Variants in CCIN observed in about 807,000 individuals in gnomAD.
The protein encoded by CCIN is testis tissue sperm-binding protein Li 65n.
In CCIN, 15 loss-of-function variants were observed where a neutral mutation model predicts 32.2. That is an observed-to-expected ratio of 0.47 (90% CI 0.31 to 0.72). CCIN has a LOEUF of 0.72. Among genes scored for constraint, CCIN ranks in the 30% least tolerant of loss-of-function variants. The pLI is 0.05. For missense variants in CCIN, 623 were observed against 759.4 expected, an observed-to-expected ratio of 0.82 and a Z score of 2.11; for synonymous variants, 302 against 297.4, an observed-to-expected ratio of 1.02 and a Z score of -0.16.
In CCIN at chr9:36,170,952, C is replaced by T. The variant is rs1284139435; in HGVS notation, c.1450C>T (p.His484Tyr). ...GGACAACATCCTCTGCGTGCACAGC[C>T]ACCGGCAGAGTGTGGAAATCAATCT... ...QQDNILCVHSHRQSVEINLQK... is the reference protein window; with the variant it reads ...QQDNILCVHSYRQSVEINLQK... The change falls in exon 1 of 1, where the codon CAC (histidine) becomes TAC (tyrosine). Residue 484 changes from histidine to tyrosine, a missense_variant. Physicochemically the swap from His to Tyr is moderately conservative, Grantham distance 83. Transcript: ENST00000335119. The T allele has an allele frequency of 1.9e-6, 3 of 1,614,110 alleles. No homozygotes were observed. Among genetic ancestry groups the T allele is most frequent in the Non-Finnish European group, 2.5e-6 (3 of 1,180,046 alleles).
chr9:36,170,101 C>T lies in CCIN; in HGVS notation c.599C>T (p.Ala200Val). 1 of 1,614,202 alleles carries T rather than the reference C, an allele frequency of 6.2e-7. No individual in the cohort carries two copies. The highest frequency in any genetic ancestry group is 8.5e-7 in the Non-Finnish European group (1 of 1,180,040). The change falls in exon 1 of 1, where the codon GCA (alanine) becomes GTA (valine). Residue 200 changes from alanine (A) to valine (V), a missense_variant. By Grantham distance (64) the Ala-to-Val change is moderately conservative. Coordinates refer to ENST00000335119, the MANE Select transcript of CCIN (RefSeq NM_005893.3). Reference sequence around the variant, plus strand: ...CTCAATGAAGACCAGGCGCTCAGCGCACTCATCAATTGGGTGTACTTCCGG... The same window carrying T: ...CTCAATGAAGACCAGGCGCTCAGCGTACTCATCAATTGGGTGTACTTCCGG... The part of the protein sequence containing the change: ...HVLNEDQALS[A>V]LINWVYFRKE...
chr9:36,171,277 A>C lies in CCIN; in HGVS notation c.*8A>C. On this transcript the variant is annotated 3_prime_UTR_variant, in exon 1 of 1. Transcript: ENST00000335119. ...ATTCTTCAAAGGATTTAAACATTTT[A>C]AGTGGGAGAATAAGTAAATGCATTA... The C allele has an allele frequency of 6.2e-7, 1 of 1,608,896 alleles. No homozygotes were observed. The highest frequency in any genetic ancestry group is 8.5e-7 in the Non-Finnish European group (1 of 1,178,810).
In CCIN at chr9:36,169,397, C is replaced by T; in HGVS notation, c.-106C>T. 9.1e-7 allele frequency: 1 copy of T among 1,095,610 alleles called. No homozygotes were observed. Among genetic ancestry groups the T allele is most frequent in the East Asian group, 2.5e-5 (1 of 39,752 alleles). 67.9% of individuals were successfully genotyped at this position (1,095,610 alleles called of 1,614,324 possible). A position where few individuals can be genotyped will look rare whatever the true frequency, so the allele number is the denominator to read the frequency against. On this transcript the variant is annotated 5_prime_UTR_variant, in exon 1 of 1. Transcript: ENST00000335119. ...CATCCTCTCTTCCACCCTCTCTTCTCCCTGGTCAACCGCTCTGCAAACAAC... is the reference window on the plus strand; with the variant it reads ...CATCCTCTCTTCCACCCTCTCTTCTTCCTGGTCAACCGCTCTGCAAACAAC...
rs1014414556 is a variant in CCIN at position 36,169,428 on chromosome 9, A to G, written c.-75A>G. On this transcript the variant is annotated 5_prime_UTR_variant, in exon 1 of 1. Coordinates refer to ENST00000335119, the MANE Select transcript of CCIN (RefSeq NM_005893.3). ...TCAACCGCTCTGCAAACAACCATCA[A>G]TCTGATCCCACAGGCCTGAGAAAGT... is the stretch of plus-strand genomic sequence containing the variant. The G allele has an allele frequency of 1.2e-5, 18 of 1,441,304 alleles. No individual in the cohort carries two copies. The highest frequency in any genetic ancestry group is 5.9e-5 in the South Asian group (5 of 84,304). The allele number at this position is 1,441,304 out of a possible 1,614,324, so 89.3% of individuals were successfully genotyped here. A position where few individuals can be genotyped will look rare whatever the true frequency, so the allele number is the denominator to read the frequency against.
In CCIN at chr9:36,169,708, T is replaced by A; in HGVS notation, c.206T>A (p.Phe69Tyr). Residue 69 changes from phenylalanine (F) to tyrosine (Y), a missense_variant, in exon 1 of 1, where the codon TTC (phenylalanine) becomes TAC (tyrosine). By Grantham distance (22) the Phe-to-Tyr change is conservative (BLOSUM62 3). Coordinates refer to ENST00000335119, the MANE Select transcript of CCIN (RefSeq NM_005893.3). ...GACATGAAGACCGCTGATGAGCTTT[T>A]CATCACCATTGACACCAGTTACCTG... is the stretch of plus-strand genomic sequence containing the variant. Reference protein sequence around the residue: ...SNDMKTADELFITIDTSYLSP... With the variant: ...SNDMKTADELYITIDTSYLSP... The A allele has an allele frequency of 6.2e-7, 1 of 1,614,194 alleles. No homozygotes were observed. The highest frequency in any genetic ancestry group is 8.5e-7 in the Non-Finnish European group (1 of 1,180,030).
At position 36,170,724 on chromosome 9, in the gene CCIN, A is replaced by C. The variant is rs1217613824; in HGVS notation, c.1222A>C (p.Lys408Gln). ...GAAGGAAGTCTGGTGCCTGGCAGGA[A>C]AGATGAGCATCCCCATGGATGGCAC... ...ERKEVWCLAGKMSIPMDGTAV... is the reference protein window; with the variant it reads ...ERKEVWCLAGQMSIPMDGTAV... The change falls in exon 1 of 1, where the codon AAG becomes CAG. Residue 408 changes from lysine (K) to glutamine (Q), a missense_variant. Transcript: ENST00000335119. 3.7e-6 allele frequency: 6 copies of C among 1,614,166 alleles called. No individual in the cohort carries two copies. The highest frequency in any genetic ancestry group is 5.1e-6 in the Non-Finnish European group (6 of 1,180,058).
In CCIN at chr9:36,170,033, T is replaced by C; in HGVS notation, c.531T>C (p.Pro177=). Residue 177 remains proline, a synonymous_variant, in exon 1 of 1, where the codon CCT becomes CCC. Coordinates refer to ENST00000335119, the MANE Select transcript of CCIN (RefSeq NM_005893.3). Reference sequence around the variant, plus strand: ...CCATGCACTTCATGCGCTGTCCACCTGTTATCTTTGGCCGCCTGCTCCGTG... The same window carrying C: ...CCATGCACTTCATGCGCTGTCCACCCGTTATCTTTGGCCGCCTGCTCCGTG... The part of the protein sequence containing the change: ...EGSMHFMRCP[P]VIFGRLLRDE... 6.2e-7 allele frequency: 1 copy of C among 1,614,148 alleles called. No individual in the cohort carries two copies. Among genetic ancestry groups the C allele is most frequent in the Non-Finnish European group, 8.5e-7 (1 of 1,180,036 alleles).
Position 36,170,956 on chromosome 9 carries a change from G to A in CCIN, c.1454G>A (p.Arg485Gln), listed in dbSNP as rs780527491. 1.4e-5 allele frequency: 22 copies of A among 1,614,152 alleles called. No homozygotes were observed. The highest frequency in any genetic ancestry group is 1.9e-5 in the Non-Finnish European group (22 of 1,180,034). Residue 485 changes from arginine to glutamine, a missense_variant, in exon 1 of 1, where the codon CGG becomes CAG. Arg to Gln is a conservative substitution (Grantham distance 43, BLOSUM62 1). Coordinates refer to ENST00000335119, the MANE Select transcript of CCIN (RefSeq NM_005893.3). ...QDNILCVHSHRQSVEINLQKV... is the reference protein window; with the variant it reads ...QDNILCVHSHQQSVEINLQKV... ...AACATCCTCTGCGTGCACAGCCACCGGCAGAGTGTGGAAATCAATCTGCAG... is the reference window on the plus strand; with the variant it reads ...AACATCCTCTGCGTGCACAGCCACCAGCAGAGTGTGGAAATCAATCTGCAG...
rs1357692663 is a variant in CCIN at position 36,170,868 on chromosome 9, G to A, written c.1366G>A (p.Val456Ile). 6.2e-7 allele frequency: 1 copy of A among 1,614,114 alleles called. No homozygotes were observed. The highest frequency in any genetic ancestry group is 2.2e-5 in the East Asian group (1 of 44,902). ...CTTTGACACCAGCACTGGGGACGTGGTCCAGTGTATCACCTTCCCCATTGA... is the reference window on the plus strand; with the variant it reads ...CTTTGACACCAGCACTGGGGACGTGATCCAGTGTATCACCTTCCCCATTGA... ...DCFDTSTGDV[V>I]QCITFPIEFN... Residue 456 changes from valine to isoleucine, a missense_variant, in exon 1 of 1, where the codon GTC (valine) becomes ATC (isoleucine). Val to Ile is a conservative substitution (Grantham distance 29). Coordinates refer to ENST00000335119, the MANE Select transcript of CCIN (RefSeq NM_005893.3).
In CCIN at chr9:36,169,906, G is replaced by T; in HGVS notation, c.404G>T (p.Arg135Leu). The T allele has an allele frequency of 6.2e-7, 1 of 1,614,066 alleles. No homozygotes were observed. The highest frequency in any genetic ancestry group is 8.5e-7 in the Non-Finnish European group (1 of 1,180,028). ...IKSICRANCLRYLFLAELFEL... is the reference protein window; with the variant it reads ...IKSICRANCLLYLFLAELFEL... ...TCCATCTGCCGTGCCAACTGCTTGC[G>T]CTACCTCTTCTTGGCTGAGCTGTTT... The change falls in exon 1 of 1, where the codon CGC (arginine) becomes CTC (leucine). Residue 135 changes from arginine to leucine, a missense_variant. By Grantham distance (102) the Arg-to-Leu change is moderately radical (BLOSUM62 -2). Coordinates refer to ENST00000335119, the MANE Select transcript of CCIN (RefSeq NM_005893.3).
chr9:36,170,162 C>T lies in CCIN; in HGVS notation c.660C>T (p.Phe220=). 1 of 1,614,242 alleles carries T rather than the reference C, an allele frequency of 6.2e-7. No individual in the cohort carries two copies. The highest frequency in any genetic ancestry group is 1.1e-5 in the South Asian group (1 of 91,082). ...GGGAGAAGTATTTCAAGAAGTTCTT[C>T]AATTACATCAATCTCAATGCTGTCT... The part of the protein sequence containing the change: ...EDREKYFKKF[F]NYINLNAVSN... The change falls in exon 1 of 1, where the codon TTC becomes TTT. Residue 220 remains phenylalanine (F), a synonymous_variant. Transcript: ENST00000335119.
At position 36,169,408 on chromosome 9, in the gene CCIN, C is replaced by T. The variant is rs183772458; in HGVS notation, c.-95C>T. The stretch of plus-strand genomic sequence containing the variant: ...CCACCCTCTCTTCTCCCTGGTCAAC[C>T]GCTCTGCAAACAACCATCAATCTGA... On this transcript the variant is annotated 5_prime_UTR_variant, in exon 1 of 1. Transcript: ENST00000335119. 64 of 1,230,360 alleles carry T rather than the reference C, an allele frequency of 5.2e-5. No individual in the cohort carries two copies. Among genetic ancestry groups the T allele is most frequent in the Non-Finnish European group, 6.8e-5 (58 of 854,116 alleles). The allele number at this position is 1,230,360 out of a possible 1,614,324, so 76.2% of individuals were successfully genotyped here. A position where few individuals can be genotyped will look rare whatever the true frequency, so the allele number is the denominator to read the frequency against.
Position 36,171,003 on chromosome 9 carries a change from A to G in CCIN, c.1501A>G (p.Thr501Ala). Residue 501 changes from threonine (T) to alanine (A), a missense_variant, in exon 1 of 1, where the codon ACC becomes GCC. By Grantham distance (58) the Thr-to-Ala change is moderately conservative. Transcript: ENST00000335119. ...GCAGAAGGTGAAGGCAAGCAAGACG[A>G]CCACCTCAGTGCCTGTCTTGCCCAA... The part of the protein sequence containing the change: ...NLQKVKASKT[T>A]TSVPVLPNSC... 1 of 1,614,220 alleles carries G rather than the reference A, an allele frequency of 6.2e-7. No individual in the cohort carries two copies.
At position 36,169,545 on chromosome 9, in the gene CCIN, C is replaced by G; in HGVS notation, c.43C>G (p.Leu15Val). Residue 15 changes from leucine (L) to valine (V), a missense_variant, in exon 1 of 1, where the codon CTG (leucine) becomes GTG (valine). Physicochemically the swap from Leu to Val is conservative, Grantham distance 32 (BLOSUM62 1). Transcript: ENST00000335119. ...GGAGAAAAACTACAATAGCTTCGTG[C>G]TGCAGAACCTGAACAGACAGAGGAA... is the stretch of plus-strand genomic sequence containing the variant. ...FTEKNYNSFV[L>V]QNLNRQRKRK... is the part of the protein sequence containing the mutation. The G allele has an allele frequency of 1.2e-6, 2 of 1,614,218 alleles. No homozygotes were observed. Among genetic ancestry groups the G allele is most frequent in the Non-Finnish European group, 1.7e-6 (2 of 1,180,042 alleles).
Position 36,169,944 on chromosome 9 carries a change from G to C in CCIN, c.442G>C (p.Val148Leu), listed in dbSNP as rs369069472. ...GGCTGAGCTGTTTGAGCTCAAAGAGGTATCAGACGTAGCTTACTCTGGCAT... is the reference window on the plus strand; with the variant it reads ...GGCTGAGCTGTTTGAGCTCAAAGAGCTATCAGACGTAGCTTACTCTGGCAT... ...FLAELFELKE[V>L]SDVAYSGIRD... The change falls in exon 1 of 1, where the codon GTA becomes CTA. Residue 148 changes from valine to leucine, a missense_variant. Val to Leu is a conservative substitution (Grantham distance 32). Coordinates refer to ENST00000335119, the MANE Select transcript of CCIN (RefSeq NM_005893.3). The C allele has an allele frequency of 9.3e-6, 15 of 1,613,920 alleles. No homozygotes were observed. Among genetic ancestry groups the C allele is most frequent in the Non-Finnish European group, 1.3e-5 (15 of 1,180,034 alleles).
In CCIN at chr9:36,171,085, TTGTATGTGGG is replaced by T; in HGVS notation, c.1584_1593del (p.Phe528LeufsTer47). On this transcript the variant is annotated frameshift_variant, in exon 1 of 1. Coordinates refer to ENST00000335119, the MANE Select transcript of CCIN (RefSeq NM_005893.3). LOFTEE classifies it high-confidence loss of function. ...TGCTCCATTGGAGACAGCAAGGTGT[TTGTATGTGGG>T]GGTGTCACCACTGCCAGCGATGTCC... 6.2e-7 allele frequency: 1 copy of T among 1,614,118 alleles called. No homozygotes were observed. Among genetic ancestry groups the T allele is most frequent in the South Asian group, 1.1e-5 (1 of 91,084 alleles).
At position 36,170,099 on chromosome 9, in the gene CCIN, C is replaced by T. The variant is rs147427586; in HGVS notation, c.597C>T (p.Ser199=). ...LHVLNEDQAL[S]ALINWVYFRK... The stretch of plus-strand genomic sequence containing the variant: ...TGCTCAATGAAGACCAGGCGCTCAG[C>T]GCACTCATCAATTGGGTGTACTTCC... Residue 199 remains serine (S), a synonymous_variant, in exon 1 of 1, where the codon AGC becomes AGT. Transcript: ENST00000335119. 7.6e-5 allele frequency: 123 copies of T among 1,614,208 alleles called. 1 individual carries two copies. The African/African-American group carries it at 1.2e-3, about 16-fold the overall frequency.
chr9:36,169,679 C>T lies in CCIN; in HGVS notation c.177C>T (p.Ser59=), dbSNP rs1296444236. 3 of 1,614,170 alleles carry T rather than the reference C, an allele frequency of 1.9e-6. No homozygotes were observed. The Admixed American group carries it at 5.0e-5, about 27-fold the overall frequency. The change falls in exon 1 of 1, where the codon AGC becomes AGT. Residue 59 remains serine (S), a synonymous_variant. Transcript: ENST00000335119. Reference sequence around the variant, plus strand: ...CACTGGTGAGGAGCCTCATCTCCAGCAATGACATGAAGACCGCTGATGAGC... The same window carrying T: ...CACTGGTGAGGAGCCTCATCTCCAGTAATGACATGAAGACCGCTGATGAGC... ...VSPLVRSLIS[S]NDMKTADELF...
rs919817839 is a variant in CCIN at position 36,170,877 on chromosome 9, A to T, written c.1375A>T (p.Ile459Phe). 1.2e-6 allele frequency: 2 copies of T among 1,614,212 alleles called. No homozygotes were observed. The highest frequency in any genetic ancestry group is 1.7e-6 in the Non-Finnish European group (2 of 1,180,032). The change falls in exon 1 of 1, where the codon ATC (isoleucine) becomes TTC (phenylalanine). Residue 459 changes from isoleucine to phenylalanine, a missense_variant. Coordinates refer to ENST00000335119, the MANE Select transcript of CCIN (RefSeq NM_005893.3). ...DTSTGDVVQCITFPIEFNHRP... is the reference protein window; with the variant it reads ...DTSTGDVVQCFTFPIEFNHRP... ...CAGCACTGGGGACGTGGTCCAGTGT[A>T]TCACCTTCCCCATTGAGTTCAACCA...
Sources: gnomAD v4.1 joint callset for allele counts on GRCh38, gnomAD v4.1.1 for gene constraint, MANE v1.5 for transcripts, NCBI Gene and HGNC (gene_info 2026-07-23, HGNC 2026-07-21) for gene names.